Variants in SMAP1 observed in about 807,000 individuals in gnomAD.
SMAP1 encodes the protein small ArfGAP 1, also known as stromal membrane-associated protein 1.
In SMAP1, 24 loss-of-function variants were observed where a neutral mutation model predicts 58.5. That is an observed-to-expected ratio of 0.41 (90% CI 0.30 to 0.58). The LOEUF (loss-of-function observed/expected upper bound fraction) is 0.58. SMAP1 is among the 20% of genes least tolerant of loss of function. The pLI is 0.29. For missense variants in SMAP1, 563 were observed against 566.3 expected (o/e 0.99, Z 0.06); for synonymous variants, 216 against 196.6 (o/e 1.10, Z -0.82).
rs774245031 is a variant in SMAP1, at chr6:70,858,193, G to A, written c.1233G>A (p.Leu411=). Residue 411 remains leucine, a synonymous_variant, in exon 10 of 11, where the codon CTG becomes CTA. Coordinates refer to ENST00000370455, the MANE Select transcript of SMAP1 (RefSeq NM_001044305.3). Reference sequence around the variant, plus strand: ...GTGCACCCCAGAGTAAGTTTGGCCTGCCGCAAGCTCAGCAGCCCCAGTGGA... The same window carrying A: ...GTGCACCCCAGAGTAAGTTTGGCCTACCGCAAGCTCAGCAGCCCCAGTGGA... ...QMGAPQSKFG[L]PQAQQPQWSL... The A allele has an allele frequency of 1.9e-6, 3 of 1,613,264 alleles. No individual in the cohort carries two copies. The highest frequency in any genetic ancestry group is 1.7e-5 in the Admixed American group (1 of 59,940).
At chr6:70,714,153 G>T (rs187589596) in intron 1 of SMAP1, among the ~76,000 whole-genome samples, 15 of 152,054 alleles carry the variant, frequency 9.9e-5, no homozygotes, top group African/African-American at 3.6e-4. Context: ...TGTAGACAAT[G>T]TATAGTTGGA....
chr6:70,761,163 A>G (rs1009471650), intron 3 of SMAP1, among the ~76,000 whole-genome samples: 2 of 152,056 alleles, frequency 1.3e-5, no homozygotes, highest in African/African-American at 4.8e-5. Flanking sequence ...CTTAAAATAT[A>G]TAGATACATG....
At chr6:70,793,644 T>TAGAGAGAGAGAGAGAG (rs70990334) in intron 5 of SMAP1, among the ~76,000 whole-genome samples, 98 of 140,424 alleles carry the variant, frequency 7.0e-4, no homozygotes, top group African/African-American at 2.2e-3. Flanking sequence ...GGAGAGTAGT[T>TAGAGAGAGAGAGAGAG]AGAGAGAGAG....
At chr6:70,788,507 A>G (rs1302058373) in intron 4 of SMAP1, among the ~76,000 whole-genome samples, 1 of 152,110 alleles carries the variant, frequency 6.6e-6, no homozygotes, top group African/African-American at 2.4e-5. Flanking sequence ...ATATTATAGG[A>G]GGTGCGTACT....
At chr6:70,858,592 T>TACC (rs1771550140) in intron 10 of SMAP1, 15 of 164,362 alleles carry the variant, frequency 9.1e-5, no homozygotes, top group African/African-American at 3.1e-4. Flanking sequence ...AGCTTGCTGG[T>TACC]GGGACATTTT....
chr6:70,720,448 C>CGA (rs1383801423), intron 1 of SMAP1, among the ~76,000 whole-genome samples: 2 of 152,136 alleles, frequency 1.3e-5, no homozygotes, highest in Non-Finnish European at 2.9e-5. Context: ...GTGGATCTAC[C>CGA]ATTCTGGGAT....
chr6:70,761,135 T>TA (rs1766729681), intron 3 of SMAP1, among the ~76,000 whole-genome samples: 2 of 151,934 alleles, frequency 1.3e-5, no homozygotes, highest in Non-Finnish European at 2.9e-5. Context: ...GGTATATTTT[T>TA]AAAGAAAAGA....
chr6:70,850,442 C>T (rs1333558220), intron 7 of SMAP1, among the ~76,000 whole-genome samples: 1 of 151,792 alleles, frequency 6.6e-6, no homozygotes, highest in African/African-American at 2.4e-5. Flanking sequence ...CAGCTTGTCA[C>T]CGTTTTTTTT....
intron 2 of SMAP1, 68 bp from the exon 3 acceptor site, chr6:70,754,902 ATGTATGTATG>A (rs1185223047): frequency 3.5e-5 from 25 of 711,218 alleles, no homozygotes; most frequent in South Asian, 1.2e-4. Flanking sequence ...ATTTGTGTAT[ATGTATGTATG>A]TGTATGTATG....
chr6:70,753,449 T>C (rs1000226215), intron 2 of SMAP1, among the ~76,000 whole-genome samples: 2 of 152,204 alleles, frequency 1.3e-5, no homozygotes, highest in Non-Finnish European at 2.9e-5. Flanking sequence ...TTAATGTCTT[T>C]ATGATTACAT....
rs185871790 is a variant in SMAP1 at position 70,683,350 on chromosome 6, T to G, written c.118+15209T>G. ...ACGCCTGGCTAATTTTTTTTTGTAT[T>G]TTTAGTAGACGGGGTTTCATCATCT... On this transcript the variant is annotated intron_variant, in intron 1 of 10. Coordinates refer to ENST00000370455, the MANE Select transcript of SMAP1 (RefSeq NM_001044305.3). 1.5e-3 allele frequency among the ~76,000 whole-genome samples: 227 copies of G among 151,800 alleles called. 4 individuals carry two copies. The highest frequency in any genetic ancestry group is 5.4e-3 in the African/African-American group (223 of 41,398).
intron 1 of SMAP1, among the ~76,000 whole-genome samples, chr6:70,713,634 A>C (rs1280469309): frequency 1.3e-5 from 2 of 152,088 alleles, no homozygotes; most frequent in Non-Finnish European, 1.5e-5. Context: ...TGAACTTCTT[A>C]AATTTGTTTA....
intron 6 of SMAP1, among the ~76,000 whole-genome samples, chr6:70,836,671 A>G (rs1770600070): frequency 1.3e-5 from 2 of 152,264 alleles, no homozygotes; most frequent in Admixed American, 6.5e-5. Context: ...GTAATTTCAT[A>G]TAAAAGAGCT....
chr6:70,785,861 T>G (rs979138145), intron 4 of SMAP1, among the ~76,000 whole-genome samples: 1 of 152,206 alleles, frequency 6.6e-6, no homozygotes, highest in African/African-American at 2.4e-5. Flanking sequence ...ACAGCCGAAT[T>G]CTACCAGAGG....
intron 7 of SMAP1, among the ~76,000 whole-genome samples, chr6:70,843,948 A>G (rs1167608461): frequency 2.0e-5 from 3 of 152,154 alleles, no homozygotes; most frequent in Non-Finnish European, 2.9e-5. Flanking sequence ...AAGGGACTCA[A>G]AAATTATGCT....
At chr6:70,761,024 CCTT>C (rs977307983) in intron 3 of SMAP1, among the ~76,000 whole-genome samples, 5 of 151,974 alleles carry the variant, frequency 3.3e-5, no homozygotes, top group African/African-American at 9.7e-5. Flanking sequence ...CAGCAGTTCT[CCTT>C]TGAGCTTTTC....
chr6:70,752,725 T>C (rs1369973814), intron 2 of SMAP1, among the ~76,000 whole-genome samples: 2 of 152,032 alleles, frequency 1.3e-5, no homozygotes, highest in African/African-American at 2.4e-5. Flanking sequence ...TCACTGGTTC[T>C]TTCACTGCTC....
chr6:70,815,070 CT>C (rs1270201239), intron 6 of SMAP1, among the ~76,000 whole-genome samples: 2 of 152,114 alleles, frequency 1.3e-5, no homozygotes, highest in African/African-American at 4.8e-5. Context: ...TAAAATTTAT[CT>C]GCTGTAGGTT....
intron 1 of SMAP1, among the ~76,000 whole-genome samples, chr6:70,706,397 T>G (rs1767838925): frequency 6.6e-6 from 1 of 152,204 alleles, no homozygotes; most frequent in Non-Finnish European, 1.5e-5. Context: ...AGATCGTGTT[T>G]GTTAATAATG....
Sources: gnomAD v4.1 joint callset for allele counts (sites outside exome capture counted in the v4.1 genomes callset) on GRCh38, gnomAD v4.1.1 for gene constraint, MANE v1.5 for transcripts, NCBI Gene and HGNC (gene_info 2026-07-23, HGNC 2026-07-21) for gene names.